TAFA2: variants seen among roughly 807,000 people sequenced by gnomAD.
TAFA2 encodes TAFA chemokine like family member 2, also known as chemokine-like protein TAFA-2.
Under a neutral mutation model 18.8 loss-of-function variants are expected in TAFA2, and 7 were observed. The observed-to-expected ratio is 0.37, with a 90% CI of 0.21 to 0.70. The LOEUF is 0.70. TAFA2 is among the 30% of genes least tolerant of loss of function. TAFA2 has a pLI of 0.53. For synonymous variants in TAFA2, 60 were observed against 54.2 expected (o/e 1.11, Z -0.47); for missense variants, 122 against 158.1 (o/e 0.77, Z 1.23).
chr12:62,034,783 C>A (rs1251487135), intron 1 of TAFA2, among the ~76,000 whole-genome samples: 1 of 152,086 alleles, frequency 6.6e-6, no homozygotes, highest in Non-Finnish European at 1.5e-5. Flanking sequence ...TTCAATGATA[C>A]AATCTTAGAA....
At chr12:61,797,642 C>T (rs778560723) in intron 2 of TAFA2, among the ~76,000 whole-genome samples, 18 of 152,138 alleles carry the variant, frequency 1.2e-4, no homozygotes, top group Non-Finnish European at 2.2e-4. Flanking sequence ...ATTCAGCCTC[C>T]TTGGTTTATA....
At chr12:61,968,131 G>A (rs546154843) in intron 1 of TAFA2, among the ~76,000 whole-genome samples, 6 of 151,932 alleles carry the variant, frequency 3.9e-5, no homozygotes. Context: ...AAGAAATGGT[G>A]AGATATATAG....
intron 2 of TAFA2, among the ~76,000 whole-genome samples, chr12:61,865,920 G>A (rs1051768062): frequency 7.4e-6 from 1 of 136,022 alleles, no homozygotes; most frequent in Non-Finnish European, 1.7e-5. Flanking sequence ...TTAAGTCCAC[G>A]GCAGGGCTTG....
intron 1 of TAFA2, among the ~76,000 whole-genome samples, chr12:62,088,437 G>A (rs946200682): frequency 6.6e-6 from 1 of 152,068 alleles, no homozygotes; most frequent in African/African-American, 2.4e-5. Context: ...CTCTTAGGCT[G>A]TCCCCGGTCC....
intron 1 of TAFA2, among the ~76,000 whole-genome samples, chr12:62,154,801 G>A (rs1333320145): frequency 6.6e-6 from 1 of 151,958 alleles, no homozygotes; most frequent in Non-Finnish European, 1.5e-5. Flanking sequence ...TCAAACAGGA[G>A]GAGTGACTTT....
chr12:62,051,099 GA>G (rs1028109266), intron 1 of TAFA2, among the ~76,000 whole-genome samples: 1 of 152,030 alleles, frequency 6.6e-6, no homozygotes. Flanking sequence ...TATACCAGAG[GA>G]AAAAAATTCT....
intron 1 of TAFA2, among the ~76,000 whole-genome samples, chr12:62,070,986 G>A (rs1218349643): frequency 6.6e-6 from 1 of 152,180 alleles, no homozygotes; most frequent in African/African-American, 2.4e-5. Flanking sequence ...GTGAAGTTAA[G>A]TCCTGTTTAA....
chr12:62,120,301 G>A (rs1341074958), intron 1 of TAFA2, among the ~76,000 whole-genome samples: 1 of 152,090 alleles, frequency 6.6e-6, no homozygotes, highest in Non-Finnish European at 1.5e-5. Flanking sequence ...TACTAAGCAC[G>A]TAAGAGGATA....
intron 1 of TAFA2, among the ~76,000 whole-genome samples, chr12:61,936,166 T>C (rs980816803): frequency 6.6e-6 from 1 of 152,174 alleles, no homozygotes; most frequent in African/African-American, 2.4e-5. Flanking sequence ...AATACAGGAA[T>C]GGCTTAACAT....
At chr12:61,882,465 G>A (rs1040824056) in intron 1 of TAFA2, among the ~76,000 whole-genome samples, 6 of 152,130 alleles carry the variant, frequency 3.9e-5, no homozygotes, top group African/African-American at 1.4e-4. Flanking sequence ...AAATTCTGAA[G>A]ACTTAAATAG....
At chr12:61,764,230 T>TGATAGATAGATAGATA (rs140276194) in intron 2 of TAFA2, among the ~76,000 whole-genome samples, 12,669 of 150,082 alleles carry the variant, frequency 0.084, 586 homozygotes, top group South Asian at 0.13. Flanking sequence ...GATGATTGAT[T>TGATAGATAGATAGATA]GATAGATAGA....
chr12:62,045,147 G>T (rs752685645), intron 1 of TAFA2, among the ~76,000 whole-genome samples: 1 of 152,062 alleles, frequency 6.6e-6, no homozygotes, highest in African/African-American at 2.4e-5. Context: ...AGCCTAGGTC[G>T]TACAGAAAAA....
intron 1 of TAFA2, among the ~76,000 whole-genome samples, chr12:62,088,052 A>C (rs1565740423): frequency 6.6e-6 from 1 of 152,114 alleles, no homozygotes; most frequent in Non-Finnish European, 1.5e-5. Context: ...CCCAGTTTGA[A>C]GAATAAATCA....
intron 2 of TAFA2, among the ~76,000 whole-genome samples, chr12:61,803,080 A>T (rs1166748873): frequency 6.6e-6 from 1 of 152,024 alleles, no homozygotes; most frequent in Non-Finnish European, 1.5e-5. Flanking sequence ...GAATAGCATA[A>T]ACAAAATAGG....
Position 62,054,899 on chromosome 12 carries a change from C to A in TAFA2, c.-2+136360G>T, listed in dbSNP as rs143156722. Among the ~76,000 whole-genome samples the A allele has an allele frequency of 7.3e-3, 1,109 of 152,180 alleles. 18 individuals are homozygous for A. Among genetic ancestry groups the A allele is most frequent in the African/African-American group, 0.026 (1,074 of 41,516 alleles). The stretch of plus-strand genomic sequence containing the variant: ...TATTTTTAAAACAGTATTTTTTTAT[C>A]TTCTAAATAAGATTAAAGAACAGAA... On this transcript the variant is annotated intron_variant, in intron 1 of 4. Coordinates refer to ENST00000416284, the MANE Select transcript of TAFA2 (RefSeq NM_178539.5).
chr12:61,920,404 T>C lies in TAFA2; in HGVS notation c.-1-52978A>G, dbSNP rs147597402. ...CTCTCCCAGGGAAGTTTTAAGGCCA[T>C]GAAAAAGATGGAAAGTTGGCACCAA... is the stretch of plus-strand genomic sequence containing the variant. On this transcript the variant is annotated intron_variant, in intron 1 of 4. Coordinates refer to ENST00000416284, the MANE Select transcript of TAFA2 (RefSeq NM_178539.5). Among the ~76,000 whole-genome samples, 392 of 152,278 alleles carry C rather than the reference T, an allele frequency of 2.6e-3. 1 individual carries two copies. The highest frequency in any genetic ancestry group is 8.7e-3 in the African/African-American group (360 of 41,552).
intron 2 of TAFA2, among the ~76,000 whole-genome samples, chr12:61,846,745 G>A (rs753888300): frequency 2.6e-5 from 4 of 152,068 alleles, no homozygotes; most frequent in Non-Finnish European, 4.4e-5. Context: ...TCCACCCAAT[G>A]ATAGCTCTGA....
chr12:61,744,936 T>C (rs1015737822), intron 4 of TAFA2, among the ~76,000 whole-genome samples: 11 of 152,126 alleles, frequency 7.2e-5, no homozygotes, highest in Non-Finnish European at 1.6e-4. Context: ...AAGAAAAAGA[T>C]TGCCTTAATA....
chr12:61,981,673 G>T (rs1185369604), intron 1 of TAFA2, among the ~76,000 whole-genome samples: 1 of 152,144 alleles, frequency 6.6e-6, no homozygotes, highest in East Asian at 1.9e-4. Context: ...CTTCTCAAAA[G>T]AAGACAATTA....
Sources: gnomAD v4.1 joint callset for allele counts (sites outside exome capture counted in the v4.1 genomes callset) on GRCh38, gnomAD v4.1.1 for gene constraint, MANE v1.5 for transcripts, NCBI Gene and HGNC (gene_info 2026-07-23, HGNC 2026-07-21) for gene names.